CDH6: variants seen among roughly 807,000 people sequenced by gnomAD.
CDH6 encodes cadherin 6, also known as cadherin-6.
In CDH6, 31 loss-of-function variants were observed where a neutral mutation model predicts 78.0. The ratio of observed to expected loss-of-function variants is 0.40; its 90% CI spans 0.30 to 0.54. CDH6 has a LOEUF of 0.54. Among genes scored for constraint, CDH6 ranks in the 20% least tolerant of loss-of-function variants. The pLI is 0.56. For synonymous variants in CDH6, 376 were observed against 368.8 expected (o/e 1.02, Z -0.23); for missense variants, 724 against 975.9 (o/e 0.74, Z 3.44).
chr5:31,222,597 T>G (rs1282815458), intron 1 of CDH6, among the ~76,000 whole-genome samples: 4 of 152,190 alleles, frequency 2.6e-5, no homozygotes, highest in African/African-American at 9.6e-5. Context: ...AAGACTTTAG[T>G]ACATTTTATC....
At chr5:31,240,254 A>AT (rs1190952254) in intron 1 of CDH6, among the ~76,000 whole-genome samples, 1 of 152,128 alleles carries the variant, frequency 6.6e-6, no homozygotes, top group Admixed American at 6.5e-5. Flanking sequence ...GACCATAGTG[A>AT]TTTTTTTCCT....
At chr5:31,206,099 C>G (rs1740511371) in intron 1 of CDH6, among the ~76,000 whole-genome samples, 1 of 151,950 alleles carries the variant, frequency 6.6e-6, no homozygotes, top group Admixed American at 6.6e-5. Context: ...CTTTTGTGCT[C>G]TATATACATG....
chr5:31,298,888 G>T (rs1051784514), intron 4 of CDH6, among the ~76,000 whole-genome samples: 2 of 152,064 alleles, frequency 1.3e-5, no homozygotes, highest in Non-Finnish European at 2.9e-5. Flanking sequence ...CATACAAGAT[G>T]ATCATTATGA....
chr5:31,221,623 G>A (rs1035438495), intron 1 of CDH6, among the ~76,000 whole-genome samples: 1 of 152,138 alleles, frequency 6.6e-6, no homozygotes, highest in African/African-American at 2.4e-5. Context: ...AGAAAGCCTG[G>A]CTTAGAGTTA....
At chr5:31,265,779 T>G (rs967067819) in intron 1 of CDH6, among the ~76,000 whole-genome samples, 3 of 136,074 alleles carry the variant, frequency 2.2e-5, no homozygotes, top group African/African-American at 8.4e-5. Context: ...GTTTTTTTTT[T>G]TTTTTTTTTT....
chr5:31,229,998 G>A (rs181659196), intron 1 of CDH6, among the ~76,000 whole-genome samples: 5 of 152,274 alleles, frequency 3.3e-5, no homozygotes, highest in African/African-American at 4.8e-5. Context: ...TGCTGTATGG[G>A]CGTTTAATTG....
At chr5:31,302,648 G>T (rs1466669688) in intron 6 of CDH6, among the ~76,000 whole-genome samples, 1 of 147,896 alleles carries the variant, frequency 6.8e-6, no homozygotes, top group East Asian at 2.0e-4. Context: ...GGGCAGCAGA[G>T]GTTGCAGTGA....
At chr5:31,238,005 G>C (rs1453101277) in intron 1 of CDH6, among the ~76,000 whole-genome samples, 1 of 152,138 alleles carries the variant, frequency 6.6e-6, no homozygotes, top group Non-Finnish European at 1.5e-5. Context: ...GATGGCCAAT[G>C]GATGTTAATT....
intron 1 of CDH6, among the ~76,000 whole-genome samples, chr5:31,218,624 G>A (rs1171038761): frequency 1.3e-5 from 2 of 152,006 alleles, no homozygotes; most frequent in African/African-American, 4.8e-5. Flanking sequence ...CATCTCTTCT[G>A]CCCAAATATG....
chr5:31,302,587 C>A (rs1003501379), intron 6 of CDH6: 2 of 239,768 alleles, frequency 8.3e-6, no homozygotes, highest in African/African-American at 4.4e-5. Flanking sequence ...GTGGTGGGTG[C>A]CTGTAATCCC....
Position 31,317,665 on chromosome 5 carries a change from G to C in CDH6, c.1631-8G>C, listed in dbSNP as rs755426559. On this transcript the variant is annotated splice_region_variant and splice_polypyrimidine_tract_variant and intron_variant, in intron 10 of 11. Coordinates refer to ENST00000265071, the MANE Select transcript of CDH6 (RefSeq NM_004932.4). ...ACATACATTCACCACTTTGCTTTCC[G>C]GTTCCAGACAACACGGCGGGAATCT... is the stretch of plus-strand genomic sequence containing the variant. 1.9e-6 allele frequency: 3 copies of C among 1,604,270 alleles called. No individual in the cohort carries two copies. In the African/African-American group the frequency reaches 4.0e-5, roughly 21 times the overall value.
At chr5:31,221,029 A>AG (rs753993873) in intron 1 of CDH6, among the ~76,000 whole-genome samples, 1 of 152,186 alleles carries the variant, frequency 6.6e-6, no homozygotes, top group African/African-American at 2.4e-5. Flanking sequence ...CAGGCTGTTC[A>AG]GGGGGGAGAC....
At chr5:31,266,697 T>G (rs1426523702) in intron 1 of CDH6, among the ~76,000 whole-genome samples, 1 of 152,184 alleles carries the variant, frequency 6.6e-6, no homozygotes, top group Non-Finnish European at 1.5e-5. Flanking sequence ...TGTATAGGCT[T>G]ATCTTTATTG....
intron 2 of CDH6, among the ~76,000 whole-genome samples, chr5:31,274,653 C>G (rs13178800): frequency 0.31 from 47,661 of 152,168 alleles, 7,848 homozygotes; most frequent in Admixed American, 0.37. Context: ...AACCCCATCT[C>G]TACTAAAAAT....
chr5:31,202,651 A>T (rs576593481), intron 1 of CDH6, among the ~76,000 whole-genome samples: 7 of 123,414 alleles, frequency 5.7e-5, no homozygotes, highest in Non-Finnish European at 1.3e-4. Flanking sequence ...AAATATATAT[A>T]TATACACACA....
chr5:31,275,691 A>C (rs1742670656), intron 2 of CDH6, among the ~76,000 whole-genome samples: 1 of 152,194 alleles, frequency 6.6e-6, no homozygotes, highest in Non-Finnish European at 1.5e-5. Context: ...TTTTGGTAGA[A>C]CAAAAATCCC....
At chr5:31,224,415 A>G (rs1220888284) in intron 1 of CDH6, among the ~76,000 whole-genome samples, 1 of 152,212 alleles carries the variant, frequency 6.6e-6, no homozygotes, top group Non-Finnish European at 1.5e-5. Flanking sequence ...TAAGACATGG[A>G]TGATTTTTAT....
rs996834323 is a variant in CDH6, at chr5:31,328,783, C to T, written c.*5475C>T. The T allele has an allele frequency of 9.2e-6, 2 of 218,066 alleles. No homozygotes were observed. The highest frequency in any genetic ancestry group is 4.5e-5 in the African/African-American group (2 of 44,468). The allele number at this position is 218,066 out of a possible 1,614,324, so 13.5% of individuals were successfully genotyped here. On this transcript the variant is annotated 3_prime_UTR_variant, in exon 12 of 12. Transcript: ENST00000265071. ...TCTTGTCGTTTTCCTCAGTATCGTT[C>T]ATGTCTTTGGCAACAAGAACACCTG...
rs970394153 is a variant in CDH6 at position 31,326,320 on chromosome 5, C to T, written c.*3012C>T. 1 of 216,286 alleles carries T rather than the reference C, an allele frequency of 4.6e-6. No individual in the cohort carries two copies. The highest frequency in any genetic ancestry group is 9.3e-6 in the Non-Finnish European group (1 of 107,494). The allele number at this position is 216,286 out of a possible 1,614,324, so 13.4% of individuals were successfully genotyped here. ...TTCCTTTAAACTACTAAGATATTCC[C>T]TAGAATAAGCTGAATTTAAAAAAAC... On this transcript the variant is annotated 3_prime_UTR_variant, in exon 12 of 12. Transcript: ENST00000265071.
Sources: gnomAD v4.1 joint callset for allele counts (sites outside exome capture counted in the v4.1 genomes callset) on GRCh38, gnomAD v4.1.1 for gene constraint, MANE v1.5 for transcripts, NCBI Gene and HGNC (gene_info 2026-07-23, HGNC 2026-07-21) for gene names.